Variants in IL34 observed in about 807,000 individuals in gnomAD.
IL34 encodes the protein interleukin-34.
Under a neutral mutation model 25.3 loss-of-function variants are expected in IL34, and 17 were observed. The observed-to-expected ratio is 0.67, with a 90% confidence interval of 0.46 to 1.01. IL34 has a LOEUF of 1.01. Among genes scored for constraint, IL34 ranks in the 50% least tolerant of loss-of-function variants. The pLI is 0.00. For synonymous variants in IL34, 174 were observed against 140.9 expected, an observed-to-expected ratio of 1.23 and a Z score of -1.66; for missense variants, 368 against 312.9, an observed-to-expected ratio of 1.18 and a Z score of -1.33.
Position 70,660,440 on chromosome 16 carries a change from TCTC to T in IL34, c.*256_*258del, listed in dbSNP as rs2052378313. 2.3e-6 allele frequency: 1 copy of T among 431,186 alleles called. No homozygotes were observed. Among genetic ancestry groups the T allele is most frequent in the Non-Finnish European group, 4.1e-6 (1 of 245,162 alleles). The allele number at this position is 431,186 out of a possible 1,614,324, so 26.7% of individuals were successfully genotyped here. ...GTGGATGGGGACACAGCTCCTGGCTTCTCCTGGTGCTGCCCTCACTGTCCCCCC... is the reference window on the plus strand; with the variant it reads ...GTGGATGGGGACACAGCTCCTGGCTTCTGGTGCTGCCCTCACTGTCCCCCC... On this transcript the variant is annotated 3_prime_UTR_variant, in exon 6 of 6. Transcript: ENST00000288098.
chr16:70,650,177 G>A lies in IL34; in HGVS notation c.28+3202G>A, dbSNP rs542812602. ...ACCAAGGTCAGGGGTGGCACTGGCT[G>A]TGGGGTTCCTGGTGTGCAGAGCATG... is the stretch of plus-strand genomic sequence containing the variant. On this transcript the variant is annotated intron_variant, in intron 1 of 5. Coordinates refer to ENST00000288098, the MANE Select transcript of IL34 (RefSeq NM_001393494.1). Among the ~76,000 whole-genome samples the A allele has an allele frequency of 6.6e-5, 10 of 152,322 alleles. No individual in the cohort carries two copies. The East Asian group carries it at 1.5e-3, about 23-fold the overall frequency.
chr16:70,644,567 G>A (rs1420935054), upstream of IL34, among the ~76,000 whole-genome samples: 1 of 151,784 alleles, frequency 6.6e-6, no homozygotes, highest in Admixed American at 6.6e-5. Context: ...TACTGAAAAG[G>A]GTAAAATGTA....
chr16:70,641,407 G>A (rs982871995), intron 1 of IL34, among the ~76,000 whole-genome samples: 4 of 152,012 alleles, frequency 2.6e-5, no homozygotes, highest in African/African-American at 9.7e-5. Flanking sequence ...ACTTAAAGAA[G>A]GTGAGCTTCA....
At chr16:70,651,979 T>C (rs2052092190) in intron 1 of IL34, among the ~76,000 whole-genome samples, 1 of 151,402 alleles carries the variant, frequency 6.6e-6, no homozygotes, top group Admixed American at 6.6e-5. Flanking sequence ...CAAAAAAATT[T>C]AGCTGGATGT....
rs1404635789 is a variant in IL34 at position 70,654,573 on chromosome 16, G to C, written c.64G>C (p.Glu22Gln). The stretch of plus-strand genomic sequence containing the variant: ...CTTCCTTGGCGTGGCCTTGGGGAAT[G>C]AGCCTTTGGAGATGTGGCCCTTGAC... ...GIFLGVALGN[E>Q]PLEMWPLTQN... is the part of the protein sequence containing the mutation. Residue 22 changes from glutamate (E) to glutamine (Q), a missense_variant, in exon 2 of 6, where the codon GAG (glutamate) becomes CAG (glutamine). Coordinates refer to ENST00000288098, the MANE Select transcript of IL34 (RefSeq NM_001393494.1). 1.2e-6 allele frequency: 2 copies of C among 1,613,428 alleles called. No individual in the cohort carries two copies. Among genetic ancestry groups the C allele is most frequent in the East Asian group, 4.5e-5 (2 of 44,848 alleles).
chr16:70,651,071 A>C (rs1453080025), intron 1 of IL34, among the ~76,000 whole-genome samples: 2 of 152,118 alleles, frequency 1.3e-5, no homozygotes, highest in East Asian at 3.9e-4. Context: ...AATTAGCCGG[A>C]TGTGGTGGCG....
chr16:70,613,855 CAG>C (rs1214827811), intron 1 of IL34, among the ~76,000 whole-genome samples: 2 of 147,310 alleles, frequency 1.4e-5, no homozygotes, highest in East Asian at 4.0e-4. Flanking sequence ...GCCTGGGTGA[CAG>C]AGTGAGACTC....
In IL34 at chr16:70,603,278, T is replaced by TA. The variant is rs2050946240; in HGVS notation, c.-401+23230dup. On this transcript the variant is annotated intron_variant, in intron 1 of 6. Transcript: ENST00000429149. ...ATAAATATACCATTTATTTATTTTT[T>TA]ATTTGTTATTATTTTTTTGAAATGG... 4.6e-5 allele frequency among the ~76,000 whole-genome samples: 7 copies of TA among 151,344 alleles called. No individual in the cohort carries two copies. The South Asian group carries it at 1.5e-3, about 31-fold the overall frequency.
chr16:70,621,677 C>G (rs2051285367), intron 1 of IL34, among the ~76,000 whole-genome samples: 1 of 152,058 alleles, frequency 6.6e-6, no homozygotes, highest in African/African-American at 2.4e-5. Context: ...GTTTATTTCA[C>G]CTGGGTGCAG....
chr16:70,580,449 G>A (rs958143713), intron 1 of IL34, among the ~76,000 whole-genome samples: 4 of 152,238 alleles, frequency 2.6e-5, no homozygotes, highest in Admixed American at 2.0e-4. Context: ...TGTACTGTGT[G>A]TGTGGATTAT....
At position 70,660,146 on chromosome 16, in the gene IL34, G is replaced by A; in HGVS notation, c.688G>A (p.Val230Met). Reference sequence around the variant, plus strand: ...CTCCCCGCCTCACTCCACGGGCTCGGTGAGGCCGGTCAGGGCACAGGGCGA... The same window carrying A: ...CTCCCCGCCTCACTCCACGGGCTCGATGAGGCCGGTCAGGGCACAGGGCGA... ...PSSPPHSTGSVRPVRAQGEGL... is the reference protein window; with the variant it reads ...PSSPPHSTGSMRPVRAQGEGL... Residue 230 changes from valine (V) to methionine (M), a missense_variant, in exon 6 of 6, where the codon GTG becomes ATG. Coordinates refer to ENST00000288098, the MANE Select transcript of IL34 (RefSeq NM_001393494.1). 1 of 1,609,120 alleles carries A rather than the reference G, an allele frequency of 6.2e-7. No individual in the cohort carries two copies. The highest frequency in any genetic ancestry group is 1.1e-5 in the South Asian group (1 of 90,318).
chr16:70,624,068 G>T (rs995059418), intron 1 of IL34, among the ~76,000 whole-genome samples: 1 of 152,106 alleles, frequency 6.6e-6, no homozygotes, highest in Non-Finnish European at 1.5e-5. Context: ...CCGCTAAGCC[G>T]AGAAGGAGTC....
rs567501261 is a variant in IL34, at chr16:70,625,732, T to C, written c.-400-20816T>C. On this transcript the variant is annotated intron_variant, in intron 1 of 6. Coordinates refer to the IL34 transcript ENST00000429149. ...GTCCACCGATAAAACGTGTCTGCTTTGTCTCTCCCAGAAAATGAAAGGAAT... is the reference window on the plus strand; with the variant it reads ...GTCCACCGATAAAACGTGTCTGCTTCGTCTCTCCCAGAAAATGAAAGGAAT... Among the ~76,000 whole-genome samples the C allele has an allele frequency of 1.7e-3, 259 of 151,826 alleles. 1 individual carries two copies. Among genetic ancestry groups the C allele is most frequent in the Non-Finnish European group, 2.1e-3 (145 of 67,748 alleles).
chr16:70,598,686 C>T (rs547903734), intron 1 of IL34, among the ~76,000 whole-genome samples: 1 of 152,220 alleles, frequency 6.6e-6, no homozygotes, highest in Non-Finnish European at 1.5e-5. Context: ...CTCCAGTGAG[C>T]CGAGATTGCA....
At chr16:70,604,776 C>T (rs1248418007) in intron 1 of IL34, among the ~76,000 whole-genome samples, 2 of 152,210 alleles carry the variant, frequency 1.3e-5, no homozygotes, top group Non-Finnish European at 2.9e-5. Context: ...GTGCAGGATA[C>T]TTCCAGTAGG....
At chr16:70,595,626 C>T (rs1224971779) in intron 1 of IL34, among the ~76,000 whole-genome samples, 2 of 152,092 alleles carry the variant, frequency 1.3e-5, no homozygotes, top group Admixed American at 1.3e-4. Context: ...GCTCCTCTCT[C>T]ATTTTGTAGG....
intron 1 of IL34, among the ~76,000 whole-genome samples, chr16:70,621,902 C>T (rs1473742736): frequency 2.6e-5 from 4 of 151,796 alleles, no homozygotes; most frequent in African/African-American, 7.3e-5. Context: ...AGGCAAGGAC[C>T]GGCCATTTAC....
In IL34 at chr16:70,660,271, T is replaced by G. The variant is rs1597785464; in HGVS notation, c.*84T>G. On this transcript the variant is annotated 3_prime_UTR_variant, in exon 6 of 6. Transcript: ENST00000288098. Reference sequence around the variant, plus strand: ...CTGGGTCTGAGACTTCAAGGGGTGGTGGTGGGAGCCCCCCTTGGGAGAGGA... The same window carrying G: ...CTGGGTCTGAGACTTCAAGGGGTGGGGGTGGGAGCCCCCCTTGGGAGAGGA... 1 of 1,305,276 alleles carries G rather than the reference T, an allele frequency of 7.7e-7. No individual in the cohort carries two copies. Among genetic ancestry groups the G allele is most frequent in the Non-Finnish European group, 1.0e-6 (1 of 968,632 alleles). 80.9% of individuals were successfully genotyped at this position (1,305,276 alleles called of 1,614,324 possible). A position where few individuals can be genotyped will look rare whatever the true frequency, so the allele number is the denominator to read the frequency against.
intron 1 of IL34, among the ~76,000 whole-genome samples, chr16:70,596,789 C>A (rs1006498400): frequency 3.3e-5 from 5 of 152,322 alleles, no homozygotes; most frequent in Admixed American, 3.3e-4. Context: ...CAAGGTCTGG[C>A]TATGTTGCCC....
Sources: allele counts gnomAD v4.1 joint callset (sites outside exome capture counted in the v4.1 genomes callset), GRCh38; gene constraint gnomAD v4.1.1; transcripts MANE v1.5; gene names NCBI Gene and HGNC (gene_info 2026-07-23, HGNC 2026-07-21).